FERRY3: variants seen among roughly 807,000 people sequenced by gnomAD.
FERRY3 encodes protein C12orf4.
the FERRY3 span, chr12:4,500,348 C>T: frequency 1.2e-6 from 2 of 1,607,514 alleles, no homozygotes; most frequent in South Asian, 1.1e-5. Flanking sequence ...CCCCTGTGAA[C>T]AATAAATACA....
At chr12:4,536,257 A>ACATAATTTCT in the FERRY3 span, 3 of 1,085,924 alleles carry the variant, frequency 2.8e-6, no homozygotes, top group Non-Finnish European at 3.8e-6. Flanking sequence ...CCATAAAGAA[A>ACATAATTTCT]TTATGTTTCA....
the FERRY3 span, among the ~76,000 whole-genome samples, chr12:4,511,275 C>T: frequency 4.6e-5 from 7 of 150,846 alleles, no homozygotes; most frequent in African/African-American, 1.5e-4. Context: ...ACTTAGACTC[C>T]CACACATTAA....
At chr12:4,500,140 C>T in the FERRY3 span, 1 of 1,611,394 alleles carries the variant, frequency 6.2e-7, no homozygotes, top group Non-Finnish European at 8.5e-7. Flanking sequence ...CTGCTTACCT[C>T]TGACATATCA....
the FERRY3 span, among the ~76,000 whole-genome samples, chr12:4,511,802 T>C: frequency 2.9e-5 from 4 of 137,790 alleles, no homozygotes; most frequent in Non-Finnish European, 6.1e-5. Flanking sequence ...GATCCAAAAT[T>C]GACAACCTAA....
the FERRY3 span, among the ~76,000 whole-genome samples, chr12:4,504,145 C>T: frequency 1.3e-5 from 2 of 152,178 alleles, no homozygotes; most frequent in East Asian, 3.8e-4. Context: ...CGGGGCCTGA[C>T]AAGATGAATA....
chr12:4,503,524 A>G, the FERRY3 span, among the ~76,000 whole-genome samples: 86 of 152,232 alleles, frequency 5.6e-4, no homozygotes, highest in African/African-American at 1.9e-3. Flanking sequence ...TAAAAATTAA[A>G]TTAATTTTTG....
chr12:4,532,741 C>T, the FERRY3 span, among the ~76,000 whole-genome samples: 2 of 152,142 alleles, frequency 1.3e-5, no homozygotes, highest in African/African-American at 4.8e-5. Context: ...CAGCCATCAA[C>T]TGCCACTTAG....
the FERRY3 span, among the ~76,000 whole-genome samples, chr12:4,521,862 TTG>T: frequency 3.5e-4 from 53 of 152,322 alleles, no homozygotes; most frequent in Non-Finnish European, 7.2e-4. Context: ...GATAAAATCT[TTG>T]TGATCTTCCA....
chr12:4,499,897 G>A, the FERRY3 span, among the ~76,000 whole-genome samples: 1 of 152,118 alleles, frequency 6.6e-6, no homozygotes, highest in Admixed American at 6.6e-5. Context: ...CCAAAGCTAA[G>A]TATTATTTGG....
At chr12:4,497,002 T>A in the FERRY3 span, among the ~76,000 whole-genome samples, 13,428 of 152,210 alleles carry the variant, frequency 0.088, 671 homozygotes, top group African/African-American at 0.1. Context: ...TAAACATAAA[T>A]ATACCCTGAG....
the FERRY3 span, among the ~76,000 whole-genome samples, chr12:4,516,264 T>C: frequency 1.6e-4 from 25 of 152,300 alleles, no homozygotes; most frequent in African/African-American, 5.8e-4. Flanking sequence ...AGTATAACTA[T>C]AGTACTGAAA....
the FERRY3 span, among the ~76,000 whole-genome samples, chr12:4,494,216 C>A: frequency 1.3e-5 from 2 of 151,786 alleles, no homozygotes; most frequent in African/African-American, 2.4e-5. Flanking sequence ...ACAAAAATAA[C>A]CTTTATAAAT....
chr12:4,515,700 C>T, the FERRY3 span, among the ~76,000 whole-genome samples: 3 of 152,074 alleles, frequency 2.0e-5, no homozygotes, highest in African/African-American at 7.2e-5. Context: ...GTTTCAGCCA[C>T]ACAGATGGTT....
At chr12:4,525,455 A>G in the FERRY3 span, 2 of 1,602,050 alleles carry the variant, frequency 1.2e-6, no homozygotes, top group Non-Finnish European at 1.7e-6. Flanking sequence ...ATGCAACTGC[A>G]TACCTAAAAG....
the FERRY3 span, among the ~76,000 whole-genome samples, chr12:4,498,917 G>A: frequency 6.6e-6 from 1 of 152,146 alleles, no homozygotes; most frequent in Non-Finnish European, 1.5e-5. Context: ...GCAGAGCTCA[G>A]GCAGTAATGC....
chr12:4,533,809 G>C, the FERRY3 span, among the ~76,000 whole-genome samples: 1 of 152,000 alleles, frequency 6.6e-6, no homozygotes, highest in Non-Finnish European at 1.5e-5. Flanking sequence ...ATTTTTTTTA[G>C]TATAAATATG....
At chr12:4,514,354 A>G in the FERRY3 span, among the ~76,000 whole-genome samples, 1 of 151,902 alleles carries the variant, frequency 6.6e-6, no homozygotes, top group Admixed American at 6.5e-5. Context: ...TCAGGTATCT[A>G]GAACTTAGAA....
chr12:4,534,081 A>G, the FERRY3 span: 7 of 1,430,198 alleles, frequency 4.9e-6, no homozygotes, highest in Admixed American at 2.4e-5. Context: ...CGATTTCAGG[A>G]TTACCACAGC....
chr12:4,529,830 G>T, the FERRY3 span: 2 of 1,485,772 alleles, frequency 1.3e-6, no homozygotes, highest in Non-Finnish European at 1.8e-6. Flanking sequence ...ATTTGACAAC[G>T]TAACATTTAA....
Sources: gnomAD v4.1 joint callset for allele counts (sites outside exome capture counted in the v4.1 genomes callset) on GRCh38, gnomAD v4.1.1 for gene constraint, MANE v1.5 for transcripts, NCBI Gene and HGNC (gene_info 2026-07-23, HGNC 2026-07-21) for gene names.